The following APBB2 variants were observed in gnomAD, a reference collection of about 807,000 sequenced individuals.
APBB2 encodes the protein amyloid beta precursor protein binding family B member 2.
Under a neutral mutation model 82.5 loss-of-function variants are expected in APBB2, and 38 were observed. That is an observed-to-expected ratio of 0.46 (90% CI 0.36 to 0.60). APBB2 has a LOEUF of 0.60. APBB2 is among the 20% of genes least tolerant of loss of function. APBB2 has a pLI of 0.00. For missense variants in APBB2, 772 were observed against 972.3 expected, an observed-to-expected ratio of 0.79 and a Z score of 2.74; for synonymous variants, 341 against 368.2, an observed-to-expected ratio of 0.93 and a Z score of 0.85.
intron 1 of APBB2, among the ~76,000 whole-genome samples, chr4:41,167,355 A>G (rs2043106612): frequency 6.6e-6 from 1 of 152,100 alleles, no homozygotes; most frequent in Non-Finnish European, 1.5e-5. Context: ...AGAAAGTTCT[A>G]ACCCTCTAAA....
rs1036322425 is a variant in APBB2 at position 40,826,328 on chromosome 4, C to G, written c.1733-358G>C. On this transcript the variant is annotated intron_variant, in intron 14 of 17. Transcript: ENST00000508593. This position sits in a 1 kb window ranked among gnomAD's most constrained non-coding sequence, Gnocchi z 4.5. ...AAAATGTAACCTCAAAGGGCACAAT[C>G]AGAGACATAGGAAGATAACTGAGTT... 4.0e-5 allele frequency among the ~76,000 whole-genome samples: 6 copies of G among 151,194 alleles called. No individual in the cohort carries two copies. Among genetic ancestry groups the G allele is most frequent in the African/African-American group, 1.5e-4 (6 of 41,112 alleles).
chr4:40,819,816 CTTAT>C (rs1747170613), intron 17 of APBB2, among the ~76,000 whole-genome samples: 1 of 151,818 alleles, frequency 6.6e-6, no homozygotes, highest in South Asian at 2.1e-4. Context: ...ACTTATTTTT[CTTAT>C]TTATTTTTTT....
chr4:41,048,932 C>T (rs1210765536), intron 4 of APBB2, among the ~76,000 whole-genome samples: 1 of 152,142 alleles, frequency 6.6e-6, no homozygotes, highest in African/African-American at 2.4e-5. Context: ...GCCTCGGTGC[C>T]GGGATTGCAG....
intron 1 of APBB2, among the ~76,000 whole-genome samples, chr4:41,192,116 T>C (rs1774609663): frequency 6.6e-6 from 1 of 152,172 alleles, no homozygotes. Flanking sequence ...AGGAATGCTG[T>C]TGTCAAAAAA....
intron 12 of APBB2, among the ~76,000 whole-genome samples, chr4:40,835,615 C>T (rs1339322392): frequency 2.6e-5 from 4 of 152,320 alleles, no homozygotes; most frequent in East Asian, 3.9e-4. Flanking sequence ...GGGTGCTGTG[C>T]GGGAGTCTGT....
chr4:40,916,732 C>A (rs559074605), intron 10 of APBB2, among the ~76,000 whole-genome samples: 3 of 152,254 alleles, frequency 2.0e-5, no homozygotes, highest in African/African-American at 7.2e-5. Flanking sequence ...GACTGACCGA[C>A]CCTGGTGATC....
At chr4:41,084,297 G>A (rs1486613343) in intron 3 of APBB2, among the ~76,000 whole-genome samples, 5 of 152,176 alleles carry the variant, frequency 3.3e-5, no homozygotes, top group Non-Finnish European at 7.3e-5. Context: ...GGTGGCACAT[G>A]CCTGTAATCC....
At chr4:41,015,267 T>G (rs571585768) in intron 5 of APBB2, among the ~76,000 whole-genome samples, 1 of 152,340 alleles carries the variant, frequency 6.6e-6, no homozygotes, top group South Asian at 2.1e-4. Flanking sequence ...TGTCTCTCGC[T>G]GGGAAGAAAG....
chr4:40,903,244 T>C (rs1321841450), intron 10 of APBB2, among the ~76,000 whole-genome samples: 1 of 152,046 alleles, frequency 6.6e-6, no homozygotes, highest in Non-Finnish European at 1.5e-5. Flanking sequence ...GTGGATCACC[T>C]GAGGTCAGAA....
At chr4:40,929,904 T>A (rs894917317) in intron 10 of APBB2, among the ~76,000 whole-genome samples, 11 of 152,156 alleles carry the variant, frequency 7.2e-5, no homozygotes, top group African/African-American at 2.7e-4. Flanking sequence ...TGCTCTGTAG[T>A]GGGGGAAAAA....
chr4:41,206,468 C>T (rs927329410), intron 1 of APBB2, among the ~76,000 whole-genome samples: 3 of 152,150 alleles, frequency 2.0e-5, no homozygotes. Flanking sequence ...CAAATGAAGC[C>T]GAGGTTTCTG....
At chr4:41,037,750 T>C (rs995824335) in intron 4 of APBB2, among the ~76,000 whole-genome samples, 5 of 152,164 alleles carry the variant, frequency 3.3e-5, no homozygotes, top group African/African-American at 9.7e-5. Flanking sequence ...CTGGGTGCGA[T>C]GGCTCATACC....
intron 2 of APBB2, among the ~76,000 whole-genome samples, chr4:41,101,889 G>T (rs1251592986): frequency 6.6e-6 from 1 of 151,700 alleles, no homozygotes; most frequent in Non-Finnish European, 1.5e-5. Flanking sequence ...AACCCGGGAG[G>T]CGGAAGTTGC....
chr4:40,889,467 C>T lies in APBB2; in HGVS notation c.1529+897G>A, dbSNP rs80185575. On this transcript the variant is annotated intron_variant, in intron 12 of 17. Transcript: ENST00000508593. ...CTCAGGAGAGCCGCCTCTCTGTTGT[C>T]GGGGATTTTTATCCTCTTTTGCAAT... Among the ~76,000 whole-genome samples, 155 of 152,266 alleles carry T rather than the reference C, an allele frequency of 1.0e-3. 1 individual carries two copies. The highest frequency in any genetic ancestry group is 3.4e-3 in the African/African-American group (142 of 41,534).
chr4:41,042,645 T>G (rs958305413), intron 4 of APBB2, among the ~76,000 whole-genome samples: 1 of 150,458 alleles, frequency 6.6e-6, no homozygotes, highest in African/African-American at 2.4e-5. Context: ...GTTGGGAGAC[T>G]TGGGTAGGAT....
Position 41,209,594 on chromosome 4 carries a change from G to A in APBB2, c.-417+4811C>T, listed in dbSNP as rs555787259. 6.6e-5 allele frequency among the ~76,000 whole-genome samples: 10 copies of A among 152,314 alleles called. No individual in the cohort carries two copies. The South Asian group carries it at 2.1e-3, about 32-fold the overall frequency. ...GGGTGGGCCTGGGAAGCAAAGCACA[G>A]GACCCCCTCCCCTGCAGCCTAGGTA... On this transcript the variant is annotated intron_variant, in intron 1 of 17. Coordinates refer to ENST00000508593, the MANE Select transcript of APBB2 (RefSeq NM_004307.2).
intron 10 of APBB2, among the ~76,000 whole-genome samples, chr4:40,907,369 ATATATATATATT>A (rs1407649055): frequency 0.12 from 10,290 of 84,378 alleles, 338 homozygotes; most frequent in East Asian, 0.17. Flanking sequence ...ATATATATAT[ATATATATATATT>A]TTTTTTTTTT....
Position 40,837,522 on chromosome 4 carries a change from C to T in APBB2, c.1530-6945G>A, listed in dbSNP as rs141233063. ...CAAGGGCCAGAAAGAACATCACTCC[C>T]AGTTTTTCCAACAGCTTCTAGATTC... On this transcript the variant is annotated intron_variant, in intron 12 of 17. Coordinates refer to ENST00000508593, the MANE Select transcript of APBB2 (RefSeq NM_004307.2). Among the ~76,000 whole-genome samples, 558 of 152,322 alleles carry T rather than the reference C, an allele frequency of 3.7e-3. 7 individuals carry two copies. Among genetic ancestry groups the T allele is most frequent in the African/African-American group, 0.013 (521 of 41,570 alleles).
chr4:41,066,655 C>T (rs926921877), intron 3 of APBB2, among the ~76,000 whole-genome samples: 1 of 152,062 alleles, frequency 6.6e-6, no homozygotes, highest in Admixed American at 6.6e-5. Context: ...GCTAGGGATG[C>T]GAGACAAGGC....
Sources: gnomAD v4.1 joint callset for allele counts (sites outside exome capture counted in the v4.1 genomes callset) on GRCh38, gnomAD v4.1.1 for gene constraint, Gnocchi (gnomAD v3.1) non-coding constraint, MANE v1.5 for transcripts, NCBI Gene and HGNC (gene_info 2026-07-23, HGNC 2026-07-21) for gene names.